ECEL1: variants seen among roughly 807,000 people sequenced by gnomAD.
The protein encoded by ECEL1 is endothelin-converting enzyme-like 1.
Under a neutral mutation model 101.8 loss-of-function variants are expected in ECEL1, and 87 were observed. That is an observed-to-expected ratio of 0.85 (90% CI 0.72 to 1.02). The LOEUF is 1.02. Ranked by LOEUF, ECEL1 falls within the 50% of genes least tolerant of loss-of-function variation. The pLI, the probability that ECEL1 is intolerant of heterozygous loss-of-function variation, is 0.00. For synonymous variants in ECEL1, 487 were observed against 468.7 expected (o/e 1.04, Z -0.50); for missense variants, 1,032 against 1,079.2 (o/e 0.96, Z 0.61).
At position 232,486,082 on chromosome 2, in the gene ECEL1, C is replaced by T. The variant is rs764542109; in HGVS notation, c.572G>A (p.Arg191His). The change falls in exon 2 of 18, where the codon CGC (arginine) becomes CAC (histidine). Residue 191 changes from arginine (R) to histidine (H), a missense_variant. Arg to His is a conservative substitution (Grantham distance 29). Coordinates refer to ENST00000304546, the MANE Select transcript of ECEL1 (RefSeq NM_004826.4). ...RAFFRSCLDMREIERLGPRPM... is the reference protein window; with the variant it reads ...RAFFRSCLDMHEIERLGPRPM... ...TCGCGGGCCCAGTCGCTCGATCTCG[C>T]GCATGTCGAGGCACGAGCGGAAGAA... 94 of 1,601,638 alleles carry T rather than the reference C, an allele frequency of 5.9e-5. No individual in the cohort carries two copies. The highest frequency in any genetic ancestry group is 6.6e-5 in the Non-Finnish European group (78 of 1,175,392).
At chr2:232,480,868 C>A in intron 15 of ECEL1, 55 bp from the exon 16 acceptor site, 1 of 1,522,514 alleles carries the variant, frequency 6.6e-7, no homozygotes, top group East Asian at 2.4e-5. Context: ...GGCACCGCTT[C>A]TTCTCTGTCC....
intron 2 of ECEL1, 63 bp from the exon 3 acceptor site, chr2:232,485,330 A>C: frequency 6.4e-7 from 1 of 1,569,718 alleles, no homozygotes; most frequent in South Asian, 1.1e-5. Context: ...AAACAGAGGG[A>C]ATTCCCACTC....
chr2:232,483,326 G>A (rs983624433), intron 8 of ECEL1, 90 bp downstream of exon 8: 2 of 1,549,294 alleles, frequency 1.3e-6, no homozygotes, highest in African/African-American at 2.7e-5. Flanking sequence ...CTCCACGAAG[G>A]CCTCTTTGTC....
chr2:232,487,412 C>A lies in ECEL1; in HGVS notation c.-102+307G>T, dbSNP rs7594003. ...GAACCCGAGACGGGTTCCCTCCCCC[C>A]ACTCCCACCATCTCTGTCCCCGCCC... On this transcript the variant is annotated intron_variant, in intron 1 of 17. Coordinates refer to ENST00000304546, the MANE Select transcript of ECEL1 (RefSeq NM_004826.4). Among the ~76,000 whole-genome samples, 7 of 152,226 alleles carry A rather than the reference C, an allele frequency of 4.6e-5. No homozygotes were observed. The South Asian group carries it at 1.5e-3, about 32-fold the overall frequency.
Position 232,481,149 on chromosome 2 carries a change from C to A in ECEL1, c.1997G>T (p.Gly666Val). The part of the protein sequence containing the change: ...NFTVYNQRVN[G>V]KHTLGENIAD... ...GATGTTCTCCCCAAGCGTGTGTTTC[C>A]CGTTCACCTGCCGGGAAGGGAAGAG... The change falls in exon 15 of 18, where the codon GGG (glycine) becomes GTG (valine). Residue 666 changes from glycine to valine, a missense_variant. Gly to Val is a moderately radical substitution (Grantham distance 109). Transcript: ENST00000304546. 1 of 1,565,634 alleles carries A rather than the reference C, an allele frequency of 6.4e-7. No individual in the cohort carries two copies. The highest frequency in any genetic ancestry group is 8.7e-7 in the Non-Finnish European group (1 of 1,154,936).
At chr2:232,481,463 C>T in intron 14 of ECEL1, 43 bp downstream of exon 14, 1 of 1,577,082 alleles carries the variant, frequency 6.3e-7, no homozygotes, top group South Asian at 1.2e-5. Flanking sequence ...CGGCCCGTGC[C>T]CCACCAGGCC....
In ECEL1 at chr2:232,485,944, C is replaced by T. The variant is rs769639275; in HGVS notation, c.710G>A (p.Gly237Asp). 1.3e-6 allele frequency: 2 copies of T among 1,585,744 alleles called. No homozygotes were observed. The highest frequency in any genetic ancestry group is 3.5e-5 in the Admixed American group (2 of 56,478). Residue 237 changes from glycine (G) to aspartate (D), a missense_variant, in exon 2 of 18, where the codon GGC becomes GAC. Physicochemically the swap from Gly to Asp is moderately conservative, Grantham distance 94. Transcript: ENST00000304546. ...DLNRLLYKAQGVYSAAALFSL... is the reference protein window; with the variant it reads ...DLNRLLYKAQDVYSAAALFSL... ...GAAGAGCGCGGCGGCGCTGTACACGCCCTGCGCCTTGTACAGCAGCCGGTT... is the reference window on the plus strand; with the variant it reads ...GAAGAGCGCGGCGGCGCTGTACACGTCCTGCGCCTTGTACAGCAGCCGGTT...
chr2:232,486,089 CG>C lies in ECEL1; in HGVS notation c.564del (p.Asp189ThrfsTer14). The C allele has an allele frequency of 6.3e-7, 1 of 1,598,350 alleles. No individual in the cohort carries two copies. Among genetic ancestry groups the C allele is most frequent in the Non-Finnish European group, 8.5e-7 (1 of 1,173,720 alleles). ...RKVRAFFRSC[L>X]DMREIERLGP... is the part of the protein sequence containing the mutation. ...CCCAGTCGCTCGATCTCGCGCATGTCGAGGCACGAGCGGAAGAAGGCGCGCA... is the reference window on the plus strand; with the variant it reads ...CCCAGTCGCTCGATCTCGCGCATGTCAGGCACGAGCGGAAGAAGGCGCGCA... On this transcript the variant is annotated frameshift_variant, in exon 2 of 18. Coordinates refer to ENST00000304546, the MANE Select transcript of ECEL1 (RefSeq NM_004826.4). LOFTEE classifies it high-confidence loss of function.
At chr2:232,481,014 G>A in intron 15 of ECEL1, 77 bp downstream of exon 15, 1 of 1,522,528 alleles carries the variant, frequency 6.6e-7, no homozygotes, top group Non-Finnish European at 8.9e-7. Context: ...GGGAGAGGCA[G>A]CTCTGTCCCT....
Position 232,486,554 on chromosome 2 carries a change from G to A in ECEL1, c.100C>T (p.Pro34Ser), listed in dbSNP as rs955251142. 3.8e-5 allele frequency: 52 copies of A among 1,363,444 alleles called. No homozygotes were observed. The African/African-American group carries it at 7.0e-4, about 18-fold the overall frequency. The allele number at this position is 1,363,444 out of a possible 1,614,324, so 84.5% of individuals were successfully genotyped here. Residue 34 changes from proline (P) to serine (S), a missense_variant, in exon 2 of 18, where the codon CCC becomes TCC. By Grantham distance (74) the Pro-to-Ser change is moderately conservative. Transcript: ENST00000304546. ...GAGGARGASLPPGFPLGAARS... is the reference protein window; with the variant it reads ...GAGGARGASLSPGFPLGAARS... The stretch of plus-strand genomic sequence containing the variant: ...GCAGCGCCCAACGGGAAGCCCGGGG[G>A]CAGGGAGGCCCCGCGCGCGCCCCCC...
chr2:232,485,292 G>T, intron 2 of ECEL1, 25 bp from the exon 3 acceptor site: 1 of 1,610,586 alleles, frequency 6.2e-7, no homozygotes, highest in Non-Finnish European at 8.5e-7. Flanking sequence ...AGGGGCCACA[G>T]GTCAGAGGCC....
In ECEL1 at chr2:232,480,241, C is replaced by T. The variant is rs1690541486; in HGVS notation, c.2240G>A (p.Ser747Asn). 6.2e-7 allele frequency: 1 copy of T among 1,613,992 alleles called. No homozygotes were observed. The highest frequency in any genetic ancestry group is 8.5e-7 in the Non-Finnish European group (1 of 1,179,970). Residue 747 changes from serine (S) to asparagine (N), a missense_variant, in exon 18 of 18, where the codon AGT becomes AAT. Ser to Asn is a conservative substitution (Grantham distance 46). Transcript: ENST00000304546. ...GCCAAACTCCTCAAACTGGGACACACTGCCCAGCACCCTGGGGTGGGGAGA... is the reference window on the plus strand; with the variant it reads ...GCCAAACTCCTCAAACTGGGACACATTGCCCAGCACCCTGGGGTGGGGAGA... ...HAPEHYRVLG[S>N]VSQFEEFGRA...
rs1160077259 is a variant in ECEL1 at position 232,486,378 on chromosome 2, G to A, written c.276C>T (p.Gly92=). The part of the protein sequence containing the change: ...LKYLGPVAAG[G]GACPEGCPER... ...CAGGGCAGCCCTCGGGACAGGCGCC[G>A]CCGCCGGCCGCGACCGGGCCCAGGT... Residue 92 remains glycine, a synonymous_variant, in exon 2 of 18, where the codon GGC becomes GGT. Transcript: ENST00000304546. 6 of 1,484,150 alleles carry A rather than the reference G, an allele frequency of 4.0e-6. No individual in the cohort carries two copies. Among genetic ancestry groups the A allele is most frequent in the African/African-American group, 1.5e-5 (1 of 67,826 alleles). The allele number at this position is 1,484,150 out of a possible 1,614,324, so 91.9% of individuals were successfully genotyped here.
Position 232,484,863 on chromosome 2 carries a change from G to T in ECEL1, c.997C>A (p.Arg333=). 2 of 1,613,850 alleles carry T rather than the reference G, an allele frequency of 1.2e-6. No individual in the cohort carries two copies. The highest frequency in any genetic ancestry group is 1.7e-6 in the Non-Finnish European group (2 of 1,179,978). The change falls in exon 5 of 18, where the codon CGA becomes AGA. Residue 333 remains arginine (R), a synonymous_variant. Coordinates refer to ENST00000304546, the MANE Select transcript of ECEL1 (RefSeq NM_004826.4). ...ITVSEHDDLR[R]DVSSMYNKVT... ...TTGTTGTACATGGAGCTGACATCTC[G>T]CCGTAGGTCGTCATGCTCTGACACA...
In ECEL1 at chr2:232,486,459, C is replaced by T; in HGVS notation, c.195G>A (p.Gly65=). Residue 65 remains glycine (G), a synonymous_variant, in exon 2 of 18, where the codon GGG becomes GGA. Coordinates refer to ENST00000304546, the MANE Select transcript of ECEL1 (RefSeq NM_004826.4). ...CGCAGAGGCCGGCGGCGAACACCAG[C>T]CCCGACAGCAGGCACACCTCGCGCC... is the stretch of plus-strand genomic sequence containing the variant. ...WNRREVCLLS[G]LVFAAGLCAI... The T allele has an allele frequency of 6.9e-7, 1 of 1,448,888 alleles. No homozygotes were observed. Among genetic ancestry groups the T allele is most frequent in the Admixed American group, 2.8e-5 (1 of 35,344 alleles). The allele number at this position is 1,448,888 out of a possible 1,614,324, so 89.8% of individuals were successfully genotyped here.
Position 232,481,160 on chromosome 2 carries a change from C to A in ECEL1, c.1990-4G>T. 1.3e-6 allele frequency: 2 copies of A among 1,562,004 alleles called. No homozygotes were observed. The highest frequency in any genetic ancestry group is 1.7e-6 in the Non-Finnish European group (2 of 1,153,006). ...CAAGCGTGTGTTTCCCGTTCACCTG[C>A]CGGGAAGGGAAGAGGCCAGGGGGCT... On this transcript the variant is annotated splice_polypyrimidine_tract_variant and splice_region_variant and intron_variant, in intron 14 of 17. Coordinates refer to ENST00000304546, the MANE Select transcript of ECEL1 (RefSeq NM_004826.4).
intron 14 of ECEL1, 60 bp from the exon 15 acceptor site, chr2:232,481,216 T>C (rs775331403): frequency 7.9e-5 from 121 of 1,535,066 alleles, no homozygotes; most frequent in Non-Finnish European, 1.0e-4. Context: ...CCCTCAGGCA[T>C]TGATACCCTG....
In ECEL1 at chr2:232,481,627, C is replaced by G. The variant is rs138272112; in HGVS notation, c.1868G>C (p.Gly623Ala). The G allele has an allele frequency of 1.1e-3, 1,852 of 1,613,626 alleles. 1 individual carries two copies. The highest frequency in any genetic ancestry group is 1.5e-3 in the Non-Finnish European group (1,762 of 1,179,968). The change falls in exon 14 of 18, where the codon GGC becomes GCC. Residue 623 changes from glycine (G) to alanine (A), a missense_variant. By Grantham distance (60) the Gly-to-Ala change is moderately conservative. Coordinates refer to ENST00000304546, the MANE Select transcript of ECEL1 (RefSeq NM_004826.4). Reference sequence around the variant, plus strand: ...CAGGTTCCCTGAGCGGTCATACTGGCCCCCTGTGGGCAGTGCAGCAGGCTG... The same window carrying G: ...CAGGTTCCCTGAGCGGTCATACTGGGCCCCTGTGGGCAGTGCAGCAGGCTG... ...ELTHGYDDWG[G>A]QYDRSGNLLH... is the part of the protein sequence containing the mutation.
chr2:232,486,755 C>T lies in ECEL1; in HGVS notation c.-101-1G>A, dbSNP rs1559278021. ...CCTCCGCATGGCCCTGGGGCCGCAG[C>T]TGCGGGAAGGGCGGAAGCAGGCTCA... On this transcript the variant is annotated splice_acceptor_variant, in intron 1 of 17. Transcript: ENST00000304546. LOFTEE classifies it low-confidence loss of function (5UTR_SPLICE). 5.7e-6 allele frequency: 7 copies of T among 1,221,868 alleles called. No individual in the cohort carries two copies. The highest frequency in any genetic ancestry group is 6.2e-6 in the Non-Finnish European group (6 of 962,670). The allele number at this position is 1,221,868 out of a possible 1,614,324, so 75.7% of individuals were successfully genotyped here.
Sources: allele counts gnomAD v4.1 joint callset (sites outside exome capture counted in the v4.1 genomes callset), GRCh38; gene constraint gnomAD v4.1.1; transcripts MANE v1.5; gene names NCBI Gene and HGNC (gene_info 2026-07-23, HGNC 2026-07-21).